The following STARD13 variants were observed in gnomAD, a reference collection of about 807,000 sequenced individuals.
The protein encoded by STARD13 is StAR related lipid transfer domain containing 13.
A neutral mutation model predicts 106.4 loss-of-function variants in STARD13; 62 were observed. The ratio of observed to expected loss-of-function variants is 0.58; its 90% CI spans 0.48 to 0.72. The LOEUF (loss-of-function observed/expected upper bound fraction) is 0.72. Ranked by LOEUF, STARD13 falls within the 30% of genes least tolerant of loss-of-function variation. The pLI is 0.00. For synonymous variants in STARD13, 565 were observed against 553.0 expected, an observed-to-expected ratio of 1.02 and a Z score of -0.31; for missense variants, 1,387 against 1,424.0, an observed-to-expected ratio of 0.97 and a Z score of 0.42.
chr13:33,192,179 C>T (rs771091934), intron 1 of STARD13, among the ~76,000 whole-genome samples: 1 of 152,202 alleles, frequency 6.6e-6, no homozygotes, highest in Non-Finnish European at 1.5e-5. Flanking sequence ...ATTTCTAGAG[C>T]TTCTTGCATT....
the STARD13 span, among the ~76,000 whole-genome samples, chr13:33,432,131 T>G: frequency 6.6e-6 from 1 of 152,010 alleles, no homozygotes; most frequent in East Asian, 1.9e-4. Context: ...GGAGAGGTAG[T>G]GCCTAGTTTG....
the STARD13 span, among the ~76,000 whole-genome samples, chr13:33,664,652 A>C: frequency 1.3e-5 from 2 of 152,138 alleles, no homozygotes. Flanking sequence ...ATTGAGATGG[A>C]GTCTCGGTCT....
the STARD13 span, among the ~76,000 whole-genome samples, chr13:33,593,016 G>C: frequency 2.6e-5 from 4 of 152,090 alleles, no homozygotes; most frequent in Non-Finnish European, 5.9e-5. Flanking sequence ...CCTAGGAGAG[G>C]GGTGGGAAGA....
chr13:33,349,353 G>GCA (rs2078048287), intron 1 of STARD13: 5 of 663,134 alleles, frequency 7.5e-6, no homozygotes. Context: ...CCTAAACCCT[G>GCA]CACTGCCCAG....
At chr13:33,664,678 G>A in the STARD13 span, among the ~76,000 whole-genome samples, 1 of 152,226 alleles carries the variant, frequency 6.6e-6, no homozygotes, top group Non-Finnish European at 1.5e-5. Flanking sequence ...CCAGGCTGGA[G>A]TGCAGTAGCC....
chr13:33,219,828 A>AG (rs1313314970), intron 1 of STARD13, among the ~76,000 whole-genome samples: 7 of 103,866 alleles, frequency 6.7e-5, no homozygotes, highest in Non-Finnish European at 1.2e-4. Flanking sequence ...AAAAAAAAAG[A>AG]AAGAAAGAAA....
At chr13:33,253,394 C>A (rs970606487) in intron 1 of STARD13, among the ~76,000 whole-genome samples, 2 of 152,134 alleles carry the variant, frequency 1.3e-5, no homozygotes, top group Admixed American at 6.6e-5. Flanking sequence ...CGTAAACATG[C>A]CTGGAAATAA....
upstream of STARD13, among the ~76,000 whole-genome samples, chr13:33,352,733 C>G (rs906996977): frequency 1.3e-5 from 2 of 152,180 alleles, no homozygotes; most frequent in African/African-American, 4.8e-5. Context: ...CGGCTGCTGG[C>G]CCTGTTGGAA....
the STARD13 span, among the ~76,000 whole-genome samples, chr13:33,646,414 C>G: frequency 6.6e-6 from 1 of 152,172 alleles, no homozygotes; most frequent in African/African-American, 2.4e-5. Flanking sequence ...GGAGAGGACA[C>G]GAAGCACTCA....
chr13:33,612,426 A>G, the STARD13 span, among the ~76,000 whole-genome samples: 6 of 152,138 alleles, frequency 3.9e-5, no homozygotes, highest in Non-Finnish European at 7.4e-5. Flanking sequence ...TGTTTAGGGC[A>G]CAACCTGACC....
the STARD13 span, among the ~76,000 whole-genome samples, chr13:33,628,155 A>G: frequency 7.4e-6 from 1 of 134,362 alleles, no homozygotes; most frequent in African/African-American, 3.3e-5. Flanking sequence ...TAAAACACAC[A>G]CACACACACA....
At chr13:33,168,974 G>A (rs767237065) in intron 1 of STARD13, among the ~76,000 whole-genome samples, 49 of 152,178 alleles carry the variant, frequency 3.2e-4, no homozygotes, top group Non-Finnish European at 2.4e-4. Context: ...CTCCTGCCCC[G>A]GAACGCCTGC....
chr13:33,186,681 C>G (rs10492404), intron 1 of STARD13, among the ~76,000 whole-genome samples: 16,000 of 152,060 alleles, frequency 0.11, 1,015 homozygotes, highest in East Asian at 0.34. Flanking sequence ...CATTAATTAT[C>G]CACTTCATTA....
At chr13:33,119,960 G>T (rs1876013596) in intron 7 of STARD13, among the ~76,000 whole-genome samples, 1 of 152,234 alleles carries the variant, frequency 6.6e-6, no homozygotes, top group African/African-American at 2.4e-5. Context: ...GATGTCAGGT[G>T]AGTGATTATT....
At chr13:33,113,978 C>T (rs912654177) in intron 8 of STARD13, among the ~76,000 whole-genome samples, 2 of 152,150 alleles carry the variant, frequency 1.3e-5, no homozygotes, top group Non-Finnish European at 2.9e-5. Flanking sequence ...GCAGGGGCCT[C>T]CACACGAGGG....
the STARD13 span, among the ~76,000 whole-genome samples, chr13:33,598,930 A>T: frequency 1.3e-5 from 2 of 152,350 alleles, no homozygotes; most frequent in African/African-American, 4.8e-5. Flanking sequence ...TTCAAGAGAA[A>T]TCTGTGTATC....
the STARD13 span, among the ~76,000 whole-genome samples, chr13:33,459,279 T>C: frequency 2.0e-5 from 3 of 152,178 alleles, no homozygotes; most frequent in Non-Finnish European, 4.4e-5. Flanking sequence ...AGCACCCAAG[T>C]GACTAAGCAT....
At chr13:33,638,475 G>T in the STARD13 span, among the ~76,000 whole-genome samples, 1 of 152,180 alleles carries the variant, frequency 6.6e-6, no homozygotes, top group African/African-American at 2.4e-5. Flanking sequence ...TTGGCAATTG[G>T]TTGAAAGAGT....
At chr13:33,358,490 T>A in the STARD13 span, among the ~76,000 whole-genome samples, 1 of 152,222 alleles carries the variant, frequency 6.6e-6, no homozygotes, top group Non-Finnish European at 1.5e-5. Flanking sequence ...GCTCAGGGAT[T>A]GTAAATACAC....
Sources: allele counts gnomAD v4.1 joint callset (sites outside exome capture counted in the v4.1 genomes callset), GRCh38; gene constraint gnomAD v4.1.1; transcripts MANE v1.5; gene names NCBI Gene and HGNC (gene_info 2026-07-23, HGNC 2026-07-21).